COL28A1: variants seen among roughly 807,000 people sequenced by gnomAD.
COL28A1 encodes the protein collagen alpha-1(XXVIII) chain.
COL28A1 carries 161 observed loss-of-function variants against 150.2 expected under a neutral mutation model. That is an observed-to-expected ratio of 1.07 (90% CI 0.94 to 1.22). COL28A1 has a LOEUF of 1.22. Ranked by LOEUF, COL28A1 falls within the 50% of genes most tolerant of loss-of-function variation. The pLI is 0.00. For missense variants in COL28A1, 1,617 were observed against 1,388.3 expected, an observed-to-expected ratio of 1.16 and a Z score of -2.62; for synonymous variants, 552 against 469.7, an observed-to-expected ratio of 1.18 and a Z score of -2.26.
At chr7:7,532,016 G>A (rs566921371) in intron 2 of COL28A1, 112 bp from the exon 3 acceptor site, 107 of 630,408 alleles carry the variant, frequency 1.7e-4, no homozygotes, top group Admixed American at 5.6e-4. Flanking sequence ...TGAGAGCAGC[G>A]TGAGGAGAGA....
At chr7:7,383,280 GTGTGTGTGTT>G (rs1381435310) in intron 27 of COL28A1, among the ~76,000 whole-genome samples, 2,413 of 139,956 alleles carry the variant, frequency 0.017, 66 homozygotes, top group African/African-American at 0.062. Context: ...GTGTGTGTGT[GTGTGTGTGTT>G]TTTTTTGAGA....
At chr7:7,368,066 G>A (rs1038889543) in intron 33 of COL28A1, among the ~76,000 whole-genome samples, 3 of 151,734 alleles carry the variant, frequency 2.0e-5, no homozygotes, top group South Asian at 2.1e-4. Flanking sequence ...GGACTATCAC[G>A]CCTCATATCT....
chr7:7,354,613 CA>C (rs61274405), downstream of COL28A1, among the ~76,000 whole-genome samples: 1 of 151,876 alleles, frequency 6.6e-6, no homozygotes, highest in African/African-American at 2.4e-5. Context: ...TTCTCTTCTG[CA>C]ACTATTGATT....
At chr7:7,356,214 CTG>C (rs2128275833), downstream of COL28A1, 1 of 152,144 alleles carries the variant, frequency 6.6e-6, no homozygotes, top group Non-Finnish European at 1.5e-5. Flanking sequence ...TTTTGTAAAA[CTG>C]TAAAATAAGC....
chr7:7,405,904 A>G (rs1244041032), intron 27 of COL28A1, among the ~76,000 whole-genome samples: 2 of 152,190 alleles, frequency 1.3e-5, no homozygotes, highest in African/African-American at 4.8e-5. Flanking sequence ...GATCAGATCA[A>G]TCAAGAATTT....
At chr7:7,406,781 G>C (rs185418782) in intron 27 of COL28A1, among the ~76,000 whole-genome samples, 1 of 152,088 alleles carries the variant, frequency 6.6e-6, no homozygotes, top group Non-Finnish European at 1.5e-5. Flanking sequence ...ATTGTATTGA[G>C]TGAGATAAAG....
chr7:7,487,179 A>G (rs1488695279), intron 13 of COL28A1, among the ~76,000 whole-genome samples: 1 of 151,396 alleles, frequency 6.6e-6, no homozygotes, highest in Non-Finnish European at 1.5e-5. Context: ...TAAGAACGAC[A>G]ATGAATAAGT....
chr7:7,485,092 AT>A (rs1479494571), intron 13 of COL28A1, among the ~76,000 whole-genome samples: 1 of 152,182 alleles, frequency 6.6e-6, no homozygotes, highest in East Asian at 1.9e-4. Flanking sequence ...ATTTACCTAT[AT>A]AACAAACCTG....
intron 11 of COL28A1, among the ~76,000 whole-genome samples, chr7:7,499,889 G>C (rs998260382): frequency 1.3e-5 from 2 of 152,166 alleles, no homozygotes; most frequent in Non-Finnish European, 2.9e-5. Context: ...ATCTTCATTA[G>C]TGATTTCTAT....
intron 15 of COL28A1, among the ~76,000 whole-genome samples, chr7:7,458,463 A>C (rs191427840): frequency 6.6e-6 from 1 of 152,132 alleles, no homozygotes. Flanking sequence ...AAACAAACAA[A>C]AAGAAAAGAA....
chr7:7,433,913 G>C (rs1057249304), intron 23 of COL28A1, among the ~76,000 whole-genome samples: 2 of 152,124 alleles, frequency 1.3e-5, no homozygotes, highest in African/African-American at 4.8e-5. Flanking sequence ...GGACTCTTAA[G>C]AACTTTCCTC....
At chr7:7,380,744 G>C (rs1781827272) in intron 29 of COL28A1, 38 bp downstream of exon 29, 1 of 1,612,136 alleles carries the variant, frequency 6.2e-7, no homozygotes, top group South Asian at 1.1e-5. Context: ...GAACCAGTTA[G>C]AGTATAAAAT....
intron 27 of COL28A1, 125 bp downstream of exon 27, chr7:7,417,734 C>T: frequency 1.3e-6 from 1 of 765,486 alleles, no homozygotes. Flanking sequence ...ACACTGGATG[C>T]CATTTAACTG....
At chr7:7,412,810 T>A (rs1024714) in intron 27 of COL28A1, among the ~76,000 whole-genome samples, 19,709 of 152,072 alleles carry the variant, frequency 0.13, 1,382 homozygotes, top group Middle Eastern at 0.22. Flanking sequence ...TTTTTTCTTT[T>A]TAACACTGTG....
intron 9 of COL28A1, among the ~76,000 whole-genome samples, chr7:7,507,806 C>T (rs1470696698): frequency 6.6e-6 from 1 of 152,096 alleles, no homozygotes; most frequent in Admixed American, 6.5e-5. Context: ...AAAAATCACA[C>T]AGAAGCAAAT....
chr7:7,359,843 A>G (rs10807956), intron 34 of COL28A1, among the ~76,000 whole-genome samples: 120,877 of 152,022 alleles, frequency 0.8, 48,162 homozygotes, highest in East Asian at 0.88. Context: ...ACCAAATAAT[A>G]TATATTGTGT....
rs1416245639 is a variant in COL28A1 at position 7,453,482 on chromosome 7, A to G, written c.1398T>C (p.Pro466=). 7.9e-7 allele frequency: 1 copy of G among 1,259,274 alleles called. No homozygotes were observed. The highest frequency in any genetic ancestry group is 1.2e-5 in the South Asian group (1 of 82,320). The allele number at this position is 1,259,274 out of a possible 1,614,324, so 78.0% of individuals were successfully genotyped here. The change falls in exon 17 of 35, where the codon CCT becomes CCC. Residue 466 remains proline (P), a synonymous_variant. Transcript: ENST00000399429. ...CCTGTCCTGCGGGCCCTTGTGGACC[A>G]GGTGGACCAATAGGACCTTGGATTC... ...EQGIQGPIGP[P]GPQGPAGQGL...
intron 15 of COL28A1, among the ~76,000 whole-genome samples, chr7:7,461,931 A>G (rs2128338953): frequency 6.6e-6 from 1 of 152,222 alleles, no homozygotes; most frequent in South Asian, 2.1e-4. Flanking sequence ...GAGGAGGCCA[A>G]CCGGCACAAA....
chr7:7,447,756 T>C (rs1056447568), intron 18 of COL28A1, among the ~76,000 whole-genome samples: 2 of 152,046 alleles, frequency 1.3e-5, no homozygotes, highest in African/African-American at 4.8e-5. Flanking sequence ...AAAAGATTAG[T>C]GAACTAACAC....
Sources: gnomAD v4.1 joint callset for allele counts (sites outside exome capture counted in the v4.1 genomes callset) on GRCh38, gnomAD v4.1.1 for gene constraint, MANE v1.5 for transcripts, NCBI Gene and HGNC (gene_info 2026-07-23, HGNC 2026-07-21) for gene names.